Variants in PCDHGB4 observed in about 807,000 individuals in gnomAD.
PCDHGB4 encodes the protein protocadherin gamma-B4.
A neutral mutation model predicts 60.5 loss-of-function variants in PCDHGB4; 38 were observed. The ratio of observed to expected loss-of-function variants is 0.63; its 90% CI spans 0.48 to 0.82. The LOEUF is 0.82. PCDHGB4 is among the 40% of genes least tolerant of loss of function. The pLI, the probability that PCDHGB4 is intolerant of heterozygous loss-of-function variation, is 0.00. For synonymous variants in PCDHGB4, 456 were observed against 509.7 expected, an observed-to-expected ratio of 0.89 and a Z score of 1.42; for missense variants, 1,109 against 1,209.6, an observed-to-expected ratio of 0.92 and a Z score of 1.23.
intron 1 of PCDHGB4, among the ~76,000 whole-genome samples, chr5:141,481,794 A>C (rs1433830305): frequency 6.6e-6 from 1 of 152,136 alleles, no homozygotes; most frequent in East Asian, 1.9e-4. Context: ...TCTACTAAAA[A>C]TACAAAAATT....
At chr5:141,426,834 A>G (rs1561824131) in intron 1 of PCDHGB4, 1 of 456,724 alleles carries the variant, frequency 2.2e-6, no homozygotes, top group South Asian at 1.5e-5. Flanking sequence ...GATGGACAAG[A>G]CTAAAGGCAA....
chr5:141,474,970 A>G (rs1309289477), intron 1 of PCDHGB4, among the ~76,000 whole-genome samples: 4 of 152,212 alleles, frequency 2.6e-5, no homozygotes, highest in African/African-American at 9.6e-5. Context: ...TAATCATTAT[A>G]ATTTTGTTTG....
At chr5:141,408,632 G>C (rs2154540395) in intron 1 of PCDHGB4, 3 of 1,613,952 alleles carry the variant, frequency 1.9e-6, no homozygotes, top group Non-Finnish European at 1.7e-6. Flanking sequence ...AGAAATTTTC[G>C]AATCTGCATC....
At position 141,391,015 on chromosome 5, in the gene PCDHGB4, CAAAGA is replaced by C. The variant is rs1353502690; in HGVS notation, c.2397+740_2397+744del. On this transcript the variant is annotated intron_variant, in intron 1 of 3. Transcript: ENST00000519479. ...TTCAAGCTCATTCTATATCCTTCAT[CAAAGA>C]AAAGACAATGTTTTGTGTCTGTTGT... 3.3e-5 allele frequency: 5 copies of C among 152,166 alleles called. No individual in the cohort carries two copies. The East Asian group carries it at 9.6e-4, about 29-fold the overall frequency. The allele number at this position is 152,166 out of a possible 1,614,324, so 9.4% of individuals were successfully genotyped here. A position where few individuals can be genotyped will look rare whatever the true frequency, so the allele number is the denominator to read the frequency against.
intron 3 of PCDHGB4, chr5:141,507,166 GTCC>G (rs1475125845): frequency 6.6e-5 from 10 of 152,288 alleles, no homozygotes; most frequent in Non-Finnish European, 1.2e-4. Context: ...ATGAGAGGCT[GTCC>G]TCTTCCTCGA....
rs188953728 is a variant in PCDHGB4, at chr5:141,448,550, T to A, written c.2398-46257T>A. Among the ~76,000 whole-genome samples, 304 of 152,316 alleles carry A rather than the reference T, an allele frequency of 2.0e-3. 1 individual carries two copies. Among genetic ancestry groups the A allele is most frequent in the African/African-American group, 6.6e-3 (275 of 41,578 alleles). On this transcript the variant is annotated intron_variant, in intron 1 of 3. Transcript: ENST00000519479. ...CCTGTCAGCATTTCTTATGCAAATA[T>A]GTACATATATTTTTATTTCCCCATT...
At chr5:141,438,605 T>TAC (rs2098010130) in intron 1 of PCDHGB4, among the ~76,000 whole-genome samples, 1 of 27,802 alleles carries the variant, frequency 3.6e-5, no homozygotes. Flanking sequence ...TATATATATA[T>TAC]ATATATATAT....
chr5:141,419,443 C>T (rs1476796525), intron 1 of PCDHGB4: 2 of 1,613,080 alleles, frequency 1.2e-6, no homozygotes, highest in South Asian at 2.2e-5. Flanking sequence ...TGCGCACCTT[C>T]GAGCTCACGC....
chr5:141,451,163 G>A (rs2098709493), intron 1 of PCDHGB4, among the ~76,000 whole-genome samples: 1 of 152,086 alleles, frequency 6.6e-6, no homozygotes, highest in African/African-American at 2.4e-5. Flanking sequence ...TTTTTTGGTA[G>A]TATATTATTT....
chr5:141,432,610 C>T lies in PCDHGB4; in HGVS notation c.2397+42329C>T, dbSNP rs1481968343. 9.3e-6 allele frequency: 15 copies of T among 1,613,954 alleles called. No homozygotes were observed. Among genetic ancestry groups the T allele is most frequent in the Non-Finnish European group, 1.3e-5 (15 of 1,179,978 alleles). On this transcript the variant is annotated intron_variant, in intron 1 of 3. Transcript: ENST00000519479. This position sits in a 1 kb window ranked among gnomAD's most constrained non-coding sequence, Gnocchi z 6.0. The stretch of plus-strand genomic sequence containing the variant: ...TCAAGGCCAGCGAGCCGGGACTCTT[C>T]TCGGTGGGTCTGCACACGGGCGAGG...
intron 1 of PCDHGB4, among the ~76,000 whole-genome samples, chr5:141,443,654 G>A (rs2098397947): frequency 6.6e-6 from 1 of 152,150 alleles, no homozygotes; most frequent in Non-Finnish European, 1.5e-5. Context: ...TGTTAGCATA[G>A]CATTTTACTG....
Position 141,490,798 on chromosome 5 carries a change from C to A in PCDHGB4, c.2398-4009C>A. 2 of 1,613,926 alleles carry A rather than the reference C, an allele frequency of 1.2e-6. No individual in the cohort carries two copies. Among genetic ancestry groups the A allele is most frequent in the South Asian group, 2.2e-5 (2 of 91,074 alleles). ...AGAGGATGGACGGATCTTTGCCCAG[C>A]GTACCTTTGACTATGAATTGCTGCA... On this transcript the variant is annotated intron_variant, in intron 1 of 3. Transcript: ENST00000519479. This position sits in a 1 kb window ranked among gnomAD's most constrained non-coding sequence, Gnocchi z 5.4.
In PCDHGB4 at chr5:141,431,887, T is replaced by C; in HGVS notation, c.2397+41606T>C. The C allele has an allele frequency of 1.2e-6, 2 of 1,614,190 alleles. No individual in the cohort carries two copies. The highest frequency in any genetic ancestry group is 1.7e-6 in the Non-Finnish European group (2 of 1,179,996). ...TTTTAAATGTAAATGACCAAGATTCTGAGGAAAACGGACAGGTGATCTGTT... is the reference window on the plus strand; with the variant it reads ...TTTTAAATGTAAATGACCAAGATTCCGAGGAAAACGGACAGGTGATCTGTT... On this transcript the variant is annotated intron_variant, in intron 1 of 3. Coordinates refer to ENST00000519479, the MANE Select transcript of PCDHGB4 (RefSeq NM_003736.4). The surrounding 1 kb of genome is among the most constrained non-coding windows in gnomAD (Gnocchi z 4.8).
intron 1 of PCDHGB4, chr5:141,427,834 C>A: frequency 6.5e-7 from 1 of 1,542,566 alleles, no homozygotes; most frequent in Non-Finnish European, 8.9e-7. Flanking sequence ...GCGCAGCGTG[C>A]CTTCGACCAC....
At position 141,403,188 on chromosome 5, in the gene PCDHGB4, C is replaced by T. The variant is rs763950254; in HGVS notation, c.2397+12907C>T. ...AGGACGCAGCTTTTCTCTCTGAACCCGCGCAGCGGCACCTTGGTCACCGCG... is the reference window on the plus strand; with the variant it reads ...AGGACGCAGCTTTTCTCTCTGAACCTGCGCAGCGGCACCTTGGTCACCGCG... On this transcript the variant is annotated intron_variant, in intron 1 of 3. Coordinates refer to ENST00000519479, the MANE Select transcript of PCDHGB4 (RefSeq NM_003736.4). 5 of 1,613,850 alleles carry T rather than the reference C, an allele frequency of 3.1e-6. No individual in the cohort carries two copies. The African/African-American group carries it at 4.0e-5, about 13-fold the overall frequency.
chr5:141,442,131 A>T, intron 1 of PCDHGB4: 1 of 165,118 alleles, frequency 6.1e-6, no homozygotes, highest in Non-Finnish European at 1.3e-5. Context: ...GACAGCCTGC[A>T]GGAGACTCTG....
chr5:141,423,612 TGAAGAC>T, intron 1 of PCDHGB4: 1 of 1,611,004 alleles, frequency 6.2e-7, no homozygotes, highest in African/African-American at 1.3e-5. Flanking sequence ...TCTTGATAGC[TGAAGAC>T]TCAGCTATCA....
At position 141,485,144 on chromosome 5, in the gene PCDHGB4, G is replaced by A; in HGVS notation, c.2398-9663G>A. 6.4e-7 allele frequency: 1 copy of A among 1,564,192 alleles called. No homozygotes were observed. The highest frequency in any genetic ancestry group is 1.7e-5 in the Admixed American group (1 of 59,326). On this transcript the variant is annotated intron_variant, in intron 1 of 3. Transcript: ENST00000519479. This position sits in a 1 kb window ranked among gnomAD's most constrained non-coding sequence, Gnocchi z 5.7. ...CGGGTCGGCTTCATCCGCGTCTCAG[G>A]AGCAAGTAGAGAATTAGCGGGCGGC...
intron 2 of PCDHGB4, among the ~76,000 whole-genome samples, chr5:141,502,107 C>T (rs1292131951): frequency 6.6e-6 from 1 of 152,192 alleles, no homozygotes; most frequent in East Asian, 1.9e-4. Context: ...TGACCCTGCA[C>T]CCTCAGCCAG....
Sources: gnomAD v4.1 joint callset for allele counts (sites outside exome capture counted in the v4.1 genomes callset) on GRCh38, gnomAD v4.1.1 for gene constraint, Gnocchi (gnomAD v3.1) non-coding constraint, MANE v1.5 for transcripts, NCBI Gene and HGNC (gene_info 2026-07-23, HGNC 2026-07-21) for gene names.